Variants in COL23A1 observed in about 807,000 individuals in gnomAD.
COL23A1 encodes the protein collagen alpha-1(XXIII) chain.
Under a neutral mutation model 99.3 loss-of-function variants are expected in COL23A1, and 97 were observed. The ratio of observed to expected loss-of-function variants is 0.98; its 90% CI spans 0.83 to 1.16. COL23A1 has a LOEUF of 1.16. Among genes scored for constraint, COL23A1 ranks in the 50% most tolerant of loss-of-function variants. The pLI, the probability that COL23A1 is intolerant of heterozygous loss-of-function variation, is 0.00. For synonymous variants in COL23A1, 320 were observed against 308.2 expected, an observed-to-expected ratio of 1.04 and a Z score of -0.40; for missense variants, 762 against 757.4, an observed-to-expected ratio of 1.01 and a Z score of -0.07.
chr5:178,342,159 A>G (rs1760707255), intron 2 of COL23A1, among the ~76,000 whole-genome samples: 1 of 152,140 alleles, frequency 6.6e-6, no homozygotes, highest in Non-Finnish European at 1.5e-5. Context: ...AAGGCTGCTG[A>G]GTGCGGCTGC....
At chr5:178,585,537 A>C in intron 1 of COL23A1, among the ~76,000 whole-genome samples, 1 of 145,086 alleles carries the variant, frequency 6.9e-6, no homozygotes, top group East Asian at 2.0e-4. Flanking sequence ...ACGCTGGAGT[A>C]ACACTCCACA....
intron 2 of COL23A1, among the ~76,000 whole-genome samples, chr5:178,379,412 G>C (rs1269862322): frequency 1.3e-5 from 2 of 152,140 alleles, no homozygotes; most frequent in Admixed American, 1.3e-4. Context: ...GGCCTGGATG[G>C]ACACACATGA....
chr5:178,471,772 C>T (rs1415330412), intron 2 of COL23A1, among the ~76,000 whole-genome samples: 1 of 152,126 alleles, frequency 6.6e-6, no homozygotes, highest in African/African-American at 2.4e-5. Flanking sequence ...TAGAGACCAG[C>T]CCTGTAGCCC....
chr5:178,561,197 G>A (rs938825710), intron 1 of COL23A1, among the ~76,000 whole-genome samples: 5 of 152,164 alleles, frequency 3.3e-5, no homozygotes, highest in Admixed American at 1.3e-4. Context: ...AAAACCCCAT[G>A]GCTGCAGCCC....
At chr5:178,368,744 G>A (rs559439883) in intron 2 of COL23A1, among the ~76,000 whole-genome samples, 8 of 152,354 alleles carry the variant, frequency 5.3e-5, no homozygotes, top group South Asian at 2.1e-4. Context: ...GCTTCACAGC[G>A]ACTTCCTTCC....
intron 10 of COL23A1, among the ~76,000 whole-genome samples, 172 bp downstream of exon 10, chr5:178,262,045 G>C (rs1765652705): frequency 6.6e-6 from 1 of 152,236 alleles, no homozygotes; most frequent in Non-Finnish European, 1.5e-5. Context: ...GGTGGCTGGA[G>C]GGGCAGGTGC....
At chr5:178,525,076 C>T (rs575083469) in intron 2 of COL23A1, among the ~76,000 whole-genome samples, 34 of 145,426 alleles carry the variant, frequency 2.3e-4, no homozygotes, top group African/African-American at 8.3e-4. Flanking sequence ...CCCCAGGACC[C>T]GAAGGCTAAG....
chr5:178,494,452 G>A (rs374675292), intron 2 of COL23A1, among the ~76,000 whole-genome samples: 12 of 152,158 alleles, frequency 7.9e-5, no homozygotes, highest in South Asian at 2.1e-4. Context: ...CGAGGCAGGC[G>A]GATCACCTGA....
chr5:178,506,678 CTTAAT>C (rs1184579545), intron 2 of COL23A1, among the ~76,000 whole-genome samples: 1 of 152,194 alleles, frequency 6.6e-6, no homozygotes, highest in African/African-American at 2.4e-5. Context: ...CAAGATTTTA[CTTAAT>C]TTATACTTCT....
chr5:178,423,664 C>T (rs1307860872), intron 2 of COL23A1, among the ~76,000 whole-genome samples: 1 of 152,160 alleles, frequency 6.6e-6, no homozygotes, highest in Non-Finnish European at 1.5e-5. Flanking sequence ...AGCCCTGGCA[C>T]GTCCCCTCTC....
At chr5:178,519,222 G>A (rs1296662670) in intron 2 of COL23A1, among the ~76,000 whole-genome samples, 1 of 152,266 alleles carries the variant, frequency 6.6e-6, no homozygotes, top group Non-Finnish European at 1.5e-5. Flanking sequence ...GCCCCATTTT[G>A]TAGATGAGGA....
chr5:178,397,028 C>G (rs540589033), intron 2 of COL23A1, among the ~76,000 whole-genome samples: 2 of 152,290 alleles, frequency 1.3e-5, no homozygotes, highest in East Asian at 3.9e-4. Context: ...CAGCAGTCCC[C>G]TCTGCGTGTC....
intron 5 of COL23A1, among the ~76,000 whole-genome samples, chr5:178,278,731 G>C (rs1257409671): frequency 6.6e-6 from 1 of 152,142 alleles, no homozygotes; most frequent in Non-Finnish European, 1.5e-5. Context: ...GGTACATCCT[G>C]ATGATGAGGT....
rs72819063 is a variant in COL23A1, at chr5:178,280,735, G to A, written c.441+7589C>T. On this transcript the variant is annotated intron_variant, in intron 5 of 28. Coordinates refer to ENST00000390654, the MANE Select transcript of COL23A1 (RefSeq NM_173465.4). The surrounding 1 kb of genome is among the most constrained non-coding windows in gnomAD (Gnocchi z 4.9). ...CATATCACAGGCAAAACAGCAAAGC[G>A]CAGGACCAACCCCCTCTGCTGGGCC... is the stretch of plus-strand genomic sequence containing the variant. 0.068 allele frequency among the ~76,000 whole-genome samples: 10,275 copies of A among 152,142 alleles called. 411 individuals carry two copies. Among genetic ancestry groups the A allele is most frequent in the African/African-American group, 0.089 (3,687 of 41,502 alleles).
chr5:178,352,445 C>G (rs779697416), intron 2 of COL23A1, among the ~76,000 whole-genome samples: 1 of 152,176 alleles, frequency 6.6e-6, no homozygotes, highest in Non-Finnish European at 1.5e-5. Flanking sequence ...ATGAGACAAA[C>G]CCCCACGACC....
At chr5:178,405,069 C>G (rs1454751391) in intron 2 of COL23A1, among the ~76,000 whole-genome samples, 1 of 152,268 alleles carries the variant, frequency 6.6e-6, no homozygotes, top group Admixed American at 6.5e-5. Context: ...AGGTGACCCC[C>G]TAAGCATCCC....
At chr5:178,471,199 A>G (rs1220671956) in intron 2 of COL23A1, among the ~76,000 whole-genome samples, 1 of 152,170 alleles carries the variant, frequency 6.6e-6, no homozygotes, top group East Asian at 1.9e-4. Flanking sequence ...AGGTTGGAAC[A>G]GTGGGTGCAT....
chr5:178,518,412 C>T (rs540152861), intron 2 of COL23A1, among the ~76,000 whole-genome samples: 4,057 of 150,754 alleles, frequency 0.027, 63 homozygotes, highest in African/African-American at 0.049. Context: ...AGCTGTTGGG[C>T]ACACCTCCCA....
intron 1 of COL23A1, among the ~76,000 whole-genome samples, chr5:178,576,320 C>T (rs1367075673): frequency 1.3e-5 from 2 of 152,314 alleles, no homozygotes; most frequent in South Asian, 2.1e-4. Context: ...CTCACTGCAA[C>T]CTCCGCCTCC....
Sources: allele counts gnomAD v4.1 joint callset (sites outside exome capture counted in the v4.1 genomes callset), GRCh38; gene constraint gnomAD v4.1.1; non-coding constraint Gnocchi (gnomAD v3.1); transcripts MANE v1.5; gene names NCBI Gene and HGNC (gene_info 2026-07-23, HGNC 2026-07-21).